CADM2: variants seen among roughly 807,000 people sequenced by gnomAD.
The protein encoded by CADM2 is cell adhesion molecule 2, also known as immunoglobulin superfamily member 4D.
In CADM2, 12 loss-of-function variants were observed where a neutral mutation model predicts 49.8. The observed-to-expected ratio is 0.24, with a 90% confidence interval of 0.15 to 0.39. CADM2 has a LOEUF of 0.39. CADM2 is among the 10% of genes least tolerant of loss of function. The pLI is 1.00. For synonymous variants in CADM2, 214 were observed against 175.4 expected (o/e 1.22, Z -1.74); for missense variants, 378 against 492.3 (o/e 0.77, Z 2.20).
rs79134109 is a variant in CADM2, at chr3:85,440,350, C to T, written c.62-286172C>T. 2.1e-3 allele frequency among the ~76,000 whole-genome samples: 320 copies of T among 152,286 alleles called. 2 individuals are homozygous for T. Among genetic ancestry groups the T allele is most frequent in the African/African-American group, 7.4e-3 (308 of 41,562 alleles). On this transcript the variant is annotated intron_variant, in intron 1 of 9. Coordinates refer to ENST00000383699, the MANE Select transcript of CADM2 (RefSeq NM_001167675.2). ...CTTCAGAACAGGCAGTACTTAACCTCTCCAGCCTTAGGTTTCCGACTGTAA... is the reference window on the plus strand; with the variant it reads ...CTTCAGAACAGGCAGTACTTAACCTTTCCAGCCTTAGGTTTCCGACTGTAA...
chr3:85,291,580 A>G (rs1488885123), intron 1 of CADM2, among the ~76,000 whole-genome samples: 2 of 147,574 alleles, frequency 1.4e-5, no homozygotes, highest in Non-Finnish European at 2.9e-5. Context: ...TCAGACTAAC[A>G]GCGGATCTCT....
At chr3:85,643,267 G>T (rs992636685) in intron 1 of CADM2, among the ~76,000 whole-genome samples, 1 of 152,114 alleles carries the variant, frequency 6.6e-6, no homozygotes, top group Non-Finnish European at 1.5e-5. Flanking sequence ...TTTTTCTACA[G>T]CACAGAATAG....
In CADM2 at chr3:85,647,316, C is replaced by T. The variant is rs554236108; in HGVS notation, c.62-79206C>T. 5.9e-4 allele frequency among the ~76,000 whole-genome samples: 89 copies of T among 151,670 alleles called. 1 individual carries two copies. The highest frequency in any genetic ancestry group is 1.7e-3 in the African/African-American group (69 of 41,464). On this transcript the variant is annotated intron_variant, in intron 1 of 9. Coordinates refer to ENST00000383699, the MANE Select transcript of CADM2 (RefSeq NM_001167675.2). ...TGTAATCCTCAAATATAGATAAACA[C>T]GGAGCTTTCCTTTTAGCTTAAGTTT...
intron 1 of CADM2, among the ~76,000 whole-genome samples, chr3:85,700,606 G>T (rs559491841): frequency 6.6e-6 from 1 of 152,226 alleles, no homozygotes; most frequent in African/African-American, 2.4e-5. Flanking sequence ...AATTTATTCT[G>T]CCAGATACCC....
chr3:85,500,813 A>G (rs1271624324), intron 1 of CADM2, among the ~76,000 whole-genome samples: 2 of 152,028 alleles, frequency 1.3e-5, no homozygotes, highest in Admixed American at 6.6e-5. Context: ...CACCGTGCCC[A>G]GCCTGCTACT....
At chr3:85,710,870 G>T (rs2067096231) in intron 1 of CADM2, among the ~76,000 whole-genome samples, 1 of 152,080 alleles carries the variant, frequency 6.6e-6, no homozygotes. Context: ...ATGCTAGGAA[G>T]GCAGTTAGAC....
chr3:85,152,974 A>AT lies in CADM2; in HGVS notation c.61+193306_61+193307insT, dbSNP rs1190436566. 2.0e-5 allele frequency among the ~76,000 whole-genome samples: 3 copies of AT among 151,512 alleles called. No individual in the cohort carries two copies. In the East Asian group the frequency reaches 5.8e-4, roughly 30 times the overall value. ...GCAAGACTCCATCTCAAAAAAAAAA[A>AT]AAAATGTAAAAAAAAAATCTTTCAA... On this transcript the variant is annotated intron_variant, in intron 1 of 9. Coordinates refer to ENST00000383699, the MANE Select transcript of CADM2 (RefSeq NM_001167675.2).
At chr3:85,596,743 T>G in intron 1 of CADM2, among the ~76,000 whole-genome samples, 1 of 152,010 alleles carries the variant, frequency 6.6e-6, no homozygotes, top group East Asian at 1.9e-4. Flanking sequence ...CACAGTAGAA[T>G]TATTGCTCTG....
At chr3:84,973,531 G>A (rs2031610955) in intron 1 of CADM2, among the ~76,000 whole-genome samples, 2 of 152,134 alleles carry the variant, frequency 1.3e-5, no homozygotes, top group South Asian at 4.1e-4. Context: ...TGTTCGAGAG[G>A]ATGATTCATT....
chr3:85,599,296 T>G (rs1187895575), intron 1 of CADM2, among the ~76,000 whole-genome samples: 2 of 152,008 alleles, frequency 1.3e-5, no homozygotes, highest in Non-Finnish European at 2.9e-5. Flanking sequence ...CACTATTAGG[T>G]CTTGGCTGTC....
intron 7 of CADM2, among the ~76,000 whole-genome samples, chr3:85,936,990 A>G (rs1721252548): frequency 6.6e-6 from 1 of 151,884 alleles, no homozygotes; most frequent in African/African-American, 2.4e-5. Context: ...GCAATTAAAC[A>G]AGGTGAAGTT....
chr3:85,168,780 T>A (rs1369461590), intron 1 of CADM2, among the ~76,000 whole-genome samples: 1 of 152,142 alleles, frequency 6.6e-6, no homozygotes. Context: ...TCTGTGAAAA[T>A]CATCATAGTT....
At chr3:85,148,088 A>G (rs904704776) in intron 1 of CADM2, among the ~76,000 whole-genome samples, 11 of 152,306 alleles carry the variant, frequency 7.2e-5, no homozygotes, top group East Asian at 3.9e-4. Context: ...TGTTGACCCA[A>G]CCTTATCTAG....
Position 85,866,620 on chromosome 3 carries a change from G to A in CADM2, c.239-16671G>A, listed in dbSNP as rs566264091. Among the ~76,000 whole-genome samples, 24 of 151,872 alleles carry A rather than the reference G, an allele frequency of 1.6e-4. No homozygotes were observed. The East Asian group carries it at 4.6e-3, about 29-fold the overall frequency. The stretch of plus-strand genomic sequence containing the variant: ...AGTACAGGCACTTTGTACTTCTTTG[G>A]AACTTCCTCTATACATATTCAGTGT... On this transcript the variant is annotated intron_variant, in intron 3 of 9. Coordinates refer to ENST00000383699, the MANE Select transcript of CADM2 (RefSeq NM_001167675.2).
chr3:85,374,569 T>C (rs555174146), intron 1 of CADM2, among the ~76,000 whole-genome samples: 50 of 152,238 alleles, frequency 3.3e-4, no homozygotes, highest in Admixed American at 2.6e-3. Flanking sequence ...TTTACTGTAT[T>C]AGTTCATTTT....
At chr3:85,502,060 C>T (rs930852680) in intron 1 of CADM2, among the ~76,000 whole-genome samples, 3 of 151,908 alleles carry the variant, frequency 2.0e-5, no homozygotes, top group Non-Finnish European at 4.4e-5. Flanking sequence ...GTGACTGAGA[C>T]TTTAGGATTC....
chr3:85,119,249 A>C (rs1030032846), intron 1 of CADM2, among the ~76,000 whole-genome samples: 1 of 152,012 alleles, frequency 6.6e-6, no homozygotes, highest in Non-Finnish European at 1.5e-5. Flanking sequence ...CTGTCTCTAC[A>C]AAAAAAATCC....
intron 1 of CADM2, among the ~76,000 whole-genome samples, chr3:84,993,078 G>GA (rs1210681444): frequency 1.1e-4 from 17 of 150,744 alleles, no homozygotes; most frequent in East Asian, 5.8e-4. Flanking sequence ...ACTATTTTAA[G>GA]AAAAAAAAAT....
chr3:85,446,651 G>A (rs1488581891), intron 1 of CADM2, among the ~76,000 whole-genome samples: 1 of 134,506 alleles, frequency 7.4e-6, no homozygotes, highest in Non-Finnish European at 1.5e-5. Context: ...TGCCCAGACT[G>A]GAGTACAAGG....
Sources: allele counts gnomAD v4.1 joint callset (sites outside exome capture counted in the v4.1 genomes callset), GRCh38; gene constraint gnomAD v4.1.1; transcripts MANE v1.5; gene names NCBI Gene and HGNC (gene_info 2026-07-23, HGNC 2026-07-21).